Variants in GGCT observed in about 807,000 individuals in gnomAD.
GGCT encodes gamma-glutamylcyclotransferase.
In GGCT, 20 loss-of-function variants were observed where a neutral mutation model predicts 22.1. That is an observed-to-expected ratio of 0.91 (90% CI 0.64 to 1.32). The LOEUF is 1.32. Among genes scored for constraint, GGCT ranks in the 40% most tolerant of loss-of-function variants. The pLI, the probability that GGCT is intolerant of heterozygous loss-of-function variation, is 0.00. For missense variants in GGCT, 209 were observed against 223.5 expected (o/e 0.94, Z 0.41); for synonymous variants, 72 against 78.4 (o/e 0.92, Z 0.43).
At chr7:30,497,799 G>A in intron 3 of GGCT, 1 of 1,466,678 alleles carries the variant, frequency 6.8e-7, no homozygotes, top group South Asian at 1.4e-5. Flanking sequence ...CTTAGGTTCT[G>A]AACAGGAATT....
rs530943224 is a variant in GGCT at position 30,501,364 on chromosome 7, G to A, written c.142-683C>T. Among the ~76,000 whole-genome samples, 5 of 152,316 alleles carry A rather than the reference G, an allele frequency of 3.3e-5. No homozygotes were observed. In the East Asian group the frequency reaches 5.8e-4, roughly 18 times the overall value. Reference sequence around the variant, plus strand: ...TGTAATCCCAACATTCTGGGAGGCCGTGGCGGGTGGATCATTTTGTACACA... The same window carrying A: ...TGTAATCCCAACATTCTGGGAGGCCATGGCGGGTGGATCATTTTGTACACA... On this transcript the variant is annotated intron_variant, in intron 1 of 3. Coordinates refer to ENST00000275428, the MANE Select transcript of GGCT (RefSeq NM_024051.4).
intron 3 of GGCT, chr7:30,497,530 C>A (rs1459673008): frequency 9.8e-6 from 3 of 305,472 alleles, no homozygotes; most frequent in Non-Finnish European, 1.1e-5. Context: ...TTTATATGAC[C>A]TTTTAAGAAA....
chr7:30,503,913 A>G (rs951956142), intron 1 of GGCT, among the ~76,000 whole-genome samples: 1 of 144,146 alleles, frequency 6.9e-6, no homozygotes, highest in Admixed American at 7.5e-5. Flanking sequence ...AACATAATCT[A>G]TTGCACCTCT....
chr7:30,501,328 G>A (rs183799076), intron 1 of GGCT, among the ~76,000 whole-genome samples: 1 of 152,286 alleles, frequency 6.6e-6, no homozygotes, highest in East Asian at 1.9e-4. Flanking sequence ...CCAGGTGCAG[G>A]GGCTTACGTC....
At chr7:30,500,200 A>C (rs1789667698) in intron 2 of GGCT, among the ~76,000 whole-genome samples, 1 of 152,248 alleles carries the variant, frequency 6.6e-6, no homozygotes, top group Non-Finnish European at 1.5e-5. Flanking sequence ...TACTTTCAAA[A>C]TCAACAAAAA....
rs1488169651 is a variant in GGCT, at chr7:30,504,739, A to G, written c.-30T>C. 1.2e-6 allele frequency: 2 copies of G among 1,612,170 alleles called. No individual in the cohort carries two copies. The highest frequency in any genetic ancestry group is 1.3e-5 in the African/African-American group (1 of 74,882). ...CACTACGCCCCTGCACTGGAGCCTG[A>G]AGCAGAGTGTAAGGAACGGCCAGAG... On this transcript the variant is annotated 5_prime_UTR_variant, in exon 1 of 4. Coordinates refer to ENST00000275428, the MANE Select transcript of GGCT (RefSeq NM_024051.4).
chr7:30,500,665 A>T lies in GGCT; in HGVS notation c.158T>A (p.Phe53Tyr). 1 of 1,613,818 alleles carries T rather than the reference A, an allele frequency of 6.2e-7. No individual in the cohort carries two copies. The highest frequency in any genetic ancestry group is 8.5e-7 in the Non-Finnish European group (1 of 1,179,848). The change falls in exon 2 of 4, where the codon TTT (phenylalanine) becomes TAT (tyrosine). Residue 53 changes from phenylalanine (F) to tyrosine (Y), a missense_variant. By Grantham distance (22) the Phe-to-Tyr change is conservative (BLOSUM62 3). Coordinates refer to ENST00000275428, the MANE Select transcript of GGCT (RefSeq NM_024051.4). ...ACTTGTTTTGCCTTGGGAATTGCCA[A>T]AGTCAAGCTTAAAATCCTACAAAGG... ...VARLQDFKLD[F>Y]GNSQGKTSQT...
intron 3 of GGCT, chr7:30,497,934 T>C (rs1280377972): frequency 9.9e-6 from 12 of 1,212,998 alleles, no homozygotes; most frequent in African/African-American, 1.5e-5. Flanking sequence ...GAAAGTATGT[T>C]TTTTTCCCCT....
In GGCT at chr7:30,504,633, A is replaced by T. The variant is rs1206065396; in HGVS notation, c.77T>A (p.Leu26Gln). 6.2e-7 allele frequency: 1 copy of T among 1,614,136 alleles called. No individual in the cohort carries two copies. The highest frequency in any genetic ancestry group is 8.5e-7 in the Non-Finnish European group (1 of 1,179,978). ...SFLYFAYGSN[L>Q]LTERIHLRNP... ...TCGGAGGTGGATCCTCTCTGTCAGCAGGTTGCTGCCGTAGGCAAAGTACAG... is the reference window on the plus strand; with the variant it reads ...TCGGAGGTGGATCCTCTCTGTCAGCTGGTTGCTGCCGTAGGCAAAGTACAG... Residue 26 changes from leucine (L) to glutamine (Q), a missense_variant, in exon 1 of 4, where the codon CTG (leucine) becomes CAG (glutamine). Transcript: ENST00000275428.
chr7:30,500,728 A>C (rs769504125), intron 1 of GGCT, 47 bp from the exon 2 acceptor site: 1 of 1,513,680 alleles, frequency 6.6e-7, no homozygotes, highest in Admixed American at 1.8e-5. Context: ...CTTGAATCCA[A>C]ATTTCCCTCA....
Position 30,504,664 on chromosome 7 carries a change from T to C in GGCT, c.46A>G (p.Ser16Gly). The change falls in exon 1 of 4, where the codon AGT becomes GGT. Residue 16 changes from serine (S) to glycine (G), a missense_variant. Physicochemically the swap from Ser to Gly is moderately conservative, Grantham distance 56. Transcript: ENST00000275428. ...CTGCCGTAGGCAAAGTACAGAAAAC[T>C]CTCCTCATCTGGACCCGTGACGTCC... ...CKDVTGPDEE[S>G]FLYFAYGSNL... The C allele has an allele frequency of 6.2e-7, 1 of 1,613,892 alleles. No individual in the cohort carries two copies. The highest frequency in any genetic ancestry group is 8.5e-7 in the Non-Finnish European group (1 of 1,179,910).
At position 30,500,613 on chromosome 7, in the gene GGCT, G is replaced by A; in HGVS notation, c.210C>T (p.Thr70=). 1 of 1,613,552 alleles carries A rather than the reference G, an allele frequency of 6.2e-7. No individual in the cohort carries two copies. The highest frequency in any genetic ancestry group is 8.5e-7 in the Non-Finnish European group (1 of 1,179,548). ...CTTCATCGCCAGGACTCTGAAAAATGGTGGCTATCCCTCCATGCCAAGTTT... is the reference window on the plus strand; with the variant it reads ...CTTCATCGCCAGGACTCTGAAAAATAGTGGCTATCCCTCCATGCCAAGTTT... ...TSQTWHGGIA[T]IFQSPGDEVW... Residue 70 remains threonine (T), a synonymous_variant, in exon 2 of 4, where the codon ACC becomes ACT. Transcript: ENST00000275428.
chr7:30,497,807 AT>A, intron 3 of GGCT: 1 of 1,464,110 alleles, frequency 6.8e-7, no homozygotes, highest in East Asian at 2.6e-5. Flanking sequence ...CTGAACAGGA[AT>A]TTTGGGGTCT....
At chr7:30,504,475 T>A in intron 1 of GGCT, 94 bp downstream of exon 1, 1 of 1,429,728 alleles carries the variant, frequency 7.0e-7, no homozygotes, top group South Asian at 1.2e-5. Context: ...CAAGAAGAAC[T>A]GCATTCCTGG....
intron 1 of GGCT, among the ~76,000 whole-genome samples, chr7:30,503,934 CTG>C (rs1789762615): frequency 6.6e-6 from 1 of 152,140 alleles, no homozygotes; most frequent in Non-Finnish European, 1.5e-5. Context: ...GTCCTACAGA[CTG>C]AGAGTTCCTC....
intron 3 of GGCT, chr7:30,497,833 T>C (rs1300219250): frequency 4.1e-6 from 6 of 1,452,218 alleles, no homozygotes; most frequent in Non-Finnish European, 5.5e-6. Flanking sequence ...CCCACATTCT[T>C]GTCTTGTGCT....
chr7:30,497,477 AT>A, intron 3 of GGCT: 1 of 372,584 alleles, frequency 2.7e-6, no homozygotes, highest in Non-Finnish European at 4.7e-6. Flanking sequence ...TCAATATATG[AT>A]TTTAAATATT....
intron 1 of GGCT, among the ~76,000 whole-genome samples, chr7:30,503,631 C>A (rs986275358): frequency 1.3e-5 from 2 of 151,982 alleles, no homozygotes; most frequent in Admixed American, 6.6e-5. Flanking sequence ...TCAGCAGTGG[C>A]GTGGAAGAGG....
chr7:30,503,496 C>T (rs1789749693), intron 1 of GGCT, among the ~76,000 whole-genome samples: 1 of 152,172 alleles, frequency 6.6e-6, no homozygotes, highest in African/African-American at 2.4e-5. Context: ...GAAGCTAGTG[C>T]CCAAGACAGC....
Sources: gnomAD v4.1 joint callset for allele counts (sites outside exome capture counted in the v4.1 genomes callset) on GRCh38, gnomAD v4.1.1 for gene constraint, MANE v1.5 for transcripts, NCBI Gene and HGNC (gene_info 2026-07-23, HGNC 2026-07-21) for gene names.